PPP2R3A: variants seen among roughly 807,000 people sequenced by gnomAD.
PPP2R3A encodes the protein serine/threonine-protein phosphatase 2A regulatory subunit B'' subunit alpha.
PPP2R3A carries 80 observed loss-of-function variants against 106.9 expected under a neutral mutation model. The observed-to-expected ratio is 0.75, with a 90% confidence interval of 0.62 to 0.90. The LOEUF is 0.90. Among genes scored for constraint, PPP2R3A ranks in the 40% least tolerant of loss-of-function variants. The pLI is 0.00. For synonymous variants in PPP2R3A, 483 were observed against 468.3 expected (o/e 1.03, Z -0.41); for missense variants, 1,386 against 1,350.4 (o/e 1.03, Z -0.41).
intron 1 of PPP2R3A, among the ~76,000 whole-genome samples, chr3:135,975,856 AAAGCACTGAT>A (rs1937404441): frequency 6.6e-6 from 1 of 152,144 alleles, no homozygotes; most frequent in South Asian, 2.1e-4. Context: ...AATCTAATTA[AAAGCACTGAT>A]AATATTGAAT....
At chr3:136,071,393 T>G (rs1936425277) in intron 6 of PPP2R3A, among the ~76,000 whole-genome samples, 2 of 152,266 alleles carry the variant, frequency 1.3e-5, no homozygotes, top group South Asian at 4.1e-4. Flanking sequence ...TCAGTGCTTT[T>G]GCATTGGCTC....
chr3:136,102,342 C>CTTTT (rs397874378), intron 11 of PPP2R3A, among the ~76,000 whole-genome samples, 160 bp downstream of exon 11: 29 of 116,034 alleles, frequency 2.5e-4, no homozygotes, highest in African/African-American at 5.3e-4. Flanking sequence ...AGTGTAGCAA[C>CTTTT]TTTTTTTTTT....
At chr3:136,116,544 A>G (rs1179697379) in intron 13 of PPP2R3A, among the ~76,000 whole-genome samples, 7 of 152,240 alleles carry the variant, frequency 4.6e-5, no homozygotes, top group Non-Finnish European at 7.3e-5. Flanking sequence ...AGGATGGAGG[A>G]ATATTTACCA....
rs763322635 is a variant in PPP2R3A at position 136,145,188 on chromosome 3, C to A, written c.*22C>A. 20 of 1,591,436 alleles carry A rather than the reference C, an allele frequency of 1.3e-5. No homozygotes were observed. Among genetic ancestry groups the A allele is most frequent in the Non-Finnish European group, 1.7e-5 (20 of 1,172,574 alleles). ...ATAGCTGCCGGTGTCTACAATGAAA[C>A]GAAGATGTGTATTTTAAATGTTTCT... On this transcript the variant is annotated 3_prime_UTR_variant, in exon 14 of 14. Transcript: ENST00000264977.
intron 13 of PPP2R3A, among the ~76,000 whole-genome samples, chr3:136,115,913 T>G (rs191449184): frequency 1.1e-4 from 16 of 151,676 alleles, no homozygotes; most frequent in Admixed American, 7.9e-4. Context: ...AAGATACCCC[T>G]TGAGAAGAGC....
chr3:136,057,231 T>C (rs1239285014), intron 5 of PPP2R3A, among the ~76,000 whole-genome samples: 1 of 152,186 alleles, frequency 6.6e-6, no homozygotes, highest in Non-Finnish European at 1.5e-5. Context: ...CTGTGTTTAT[T>C]GCAACACTAT....
intron 8 of PPP2R3A, among the ~76,000 whole-genome samples, chr3:136,087,245 G>GTCTCTCTCTC (rs34566151): frequency 0.049 from 3,649 of 75,044 alleles, 482 homozygotes; most frequent in East Asian, 0.091. Flanking sequence ...CTCTAGTCGT[G>GTCTCTCTCTC]TCTCTCTCTC....
intron 1 of PPP2R3A, among the ~76,000 whole-genome samples, chr3:135,994,007 T>G (rs1312043727): frequency 1.3e-5 from 2 of 152,196 alleles, no homozygotes; most frequent in Non-Finnish European, 2.9e-5. Context: ...TTTAAGGCAG[T>G]GGTTACATGG....
intron 13 of PPP2R3A, among the ~76,000 whole-genome samples, chr3:136,143,863 A>G (rs1219323183): frequency 1.3e-5 from 2 of 152,144 alleles, no homozygotes; most frequent in Non-Finnish European, 2.9e-5. Context: ...ACCTCAGCAT[A>G]TTTTCCCTCA....
chr3:136,072,710 A>C (rs1936474980), intron 6 of PPP2R3A, among the ~76,000 whole-genome samples: 2 of 152,348 alleles, frequency 1.3e-5, no homozygotes, highest in East Asian at 3.8e-4. Context: ...GATTCTTAAG[A>C]GTTAGAAAAG....
chr3:136,122,471 C>T (rs1245459327), intron 13 of PPP2R3A, among the ~76,000 whole-genome samples: 2 of 152,178 alleles, frequency 1.3e-5, no homozygotes, highest in Admixed American at 6.5e-5. Context: ...AGTTTACCCT[C>T]CTGCAGTTAA....
chr3:136,006,599 A>G (rs1178290095), intron 2 of PPP2R3A, among the ~76,000 whole-genome samples: 2 of 152,212 alleles, frequency 1.3e-5, no homozygotes, highest in Non-Finnish European at 2.9e-5. Context: ...GCAGTGGGCC[A>G]GATTTGGTCC....
At chr3:135,971,460 C>A (rs1388185654) in intron 1 of PPP2R3A, among the ~76,000 whole-genome samples, 1 of 152,256 alleles carries the variant, frequency 6.6e-6, no homozygotes, top group South Asian at 2.1e-4. Flanking sequence ...CAATTTTGTG[C>A]TTCATATTTC....
chr3:136,145,235 G>A lies in PPP2R3A; in HGVS notation c.*69G>A, dbSNP rs1359338494. ...TTCTTTCTTGTGAAGAGATGTTCTC[G>A]TTTGCATACTGCTTTTTAAAGACTT... On this transcript the variant is annotated 3_prime_UTR_variant, in exon 14 of 14. Coordinates refer to ENST00000264977, the MANE Select transcript of PPP2R3A (RefSeq NM_002718.5). The A allele has an allele frequency of 9.2e-6, 14 of 1,518,226 alleles. No homozygotes were observed. The highest frequency in any genetic ancestry group is 4.7e-5 in the East Asian group (2 of 42,750). 94.0% of individuals were successfully genotyped at this position (1,518,226 alleles called of 1,614,324 possible). A position where few individuals can be genotyped will look rare whatever the true frequency, so the allele number is the denominator to read the frequency against.
In PPP2R3A at chr3:136,010,766, TTAA is replaced by T. The variant is rs370016635; in HGVS notation, c.1995+7276_1995+7278del. Among the ~76,000 whole-genome samples the T allele has an allele frequency of 3.0e-4, 45 of 152,214 alleles. No individual in the cohort carries two copies. In the East Asian group the frequency reaches 8.7e-3, roughly 30 times the overall value. ...AGGCCAGACCTACACTGGGGCTTTA[TTAA>T]TAGATACCATCCCCTCCCATCAACT... On this transcript the variant is annotated intron_variant, in intron 2 of 13. Transcript: ENST00000264977.
At chr3:136,033,196 T>A (rs1032601798) in intron 3 of PPP2R3A, among the ~76,000 whole-genome samples, 2 of 152,240 alleles carry the variant, frequency 1.3e-5, no homozygotes, top group African/African-American at 4.8e-5. Flanking sequence ...TTGCATATGT[T>A]AAACCATCCC....
Position 136,045,751 on chromosome 3 carries a change from C to G in PPP2R3A, c.2367-3508C>G, listed in dbSNP as rs766354688. 2.8e-4 allele frequency among the ~76,000 whole-genome samples: 43 copies of G among 152,304 alleles called. 1 individual carries two copies. The highest frequency in any genetic ancestry group is 5.3e-4 in the Non-Finnish European group (36 of 68,024). On this transcript the variant is annotated intron_variant, in intron 4 of 13. Coordinates refer to ENST00000264977, the MANE Select transcript of PPP2R3A (RefSeq NM_002718.5). Reference sequence around the variant, plus strand: ...ACTGCATGAACAGACCACCCACAGACATACCCCTAACCTGCAGTCTACCTG... The same window carrying G: ...ACTGCATGAACAGACCACCCACAGAGATACCCCTAACCTGCAGTCTACCTG...
At chr3:136,110,648 A>G (rs766328491) in intron 13 of PPP2R3A, among the ~76,000 whole-genome samples, 7 of 152,250 alleles carry the variant, frequency 4.6e-5, no homozygotes, top group Non-Finnish European at 8.8e-5. Context: ...GCCATTGATA[A>G]TATGTAAGCA....
At chr3:136,004,104 G>C (rs1933757120) in intron 2 of PPP2R3A, among the ~76,000 whole-genome samples, 2 of 152,192 alleles carry the variant, frequency 1.3e-5, no homozygotes, top group South Asian at 4.1e-4. Flanking sequence ...AAAGACTAAA[G>C]GGTAAGATTT....
Sources: gnomAD v4.1 joint callset for allele counts (sites outside exome capture counted in the v4.1 genomes callset) on GRCh38, gnomAD v4.1.1 for gene constraint, MANE v1.5 for transcripts, NCBI Gene and HGNC (gene_info 2026-07-23, HGNC 2026-07-21) for gene names.